Variants in PLCE1 observed in about 807,000 individuals in gnomAD.
The protein encoded by PLCE1 is phospholipase C epsilon 1.
Under a neutral mutation model 242.8 loss-of-function variants are expected in PLCE1, and 119 were observed. That is an observed-to-expected ratio of 0.49 (90% CI 0.42 to 0.57). The LOEUF (loss-of-function observed/expected upper bound fraction) is 0.57, where lower values mean the gene tolerates loss of function less well. Ranked by LOEUF, PLCE1 falls within the 20% of genes least tolerant of loss-of-function variation. PLCE1 has a pLI of 0.00. For synonymous variants in PLCE1, 945 were observed against 1,017.4 expected (o/e 0.93, Z 1.35); for missense variants, 2,441 against 2,788.8 (o/e 0.88, Z 2.81).
At chr10:94,311,455 T>C (rs77218185) in intron 27 of PLCE1, among the ~76,000 whole-genome samples, 23,639 of 152,250 alleles carry the variant, frequency 0.16, 2,051 homozygotes, top group Middle Eastern at 0.28. Context: ...TTTTTTGTTA[T>C]ATCACACCTT....
intron 2 of PLCE1, chr10:94,100,732 G>T (rs1026490915): frequency 3.3e-5 from 5 of 152,184 alleles, no homozygotes; most frequent in African/African-American, 4.8e-5. Context: ...TAACACTTTG[G>T]TGTGAGTTAA....
chr10:94,148,577 G>C (rs547571604), intron 3 of PLCE1, among the ~76,000 whole-genome samples: 10 of 152,094 alleles, frequency 6.6e-5, no homozygotes, highest in Non-Finnish European at 1.5e-4. Flanking sequence ...GATCATGCAC[G>C]GGCAAATAAA....
intron 26 of PLCE1, 115 bp from the exon 27 acceptor site, chr10:94,308,466 G>C (rs2053277943): frequency 1.3e-6 from 1 of 798,966 alleles, no homozygotes; most frequent in South Asian, 1.3e-5. Flanking sequence ...TTGCATGCCT[G>C]TTGCCATCCC....
chr10:94,306,751 C>T lies in PLCE1; in HGVS notation c.5884+63C>T, dbSNP rs2053219782. On this transcript the variant is annotated intron_variant, in intron 26 of 32. Coordinates refer to ENST00000371380, the MANE Select transcript of PLCE1 (RefSeq NM_016341.4). The surrounding 1 kb of genome is among the most constrained non-coding windows in gnomAD (Gnocchi z 5.7). ...GCTAGGTGATGGATGCCAGAATTTC[C>T]TTATACTCTTCTCTCTTTTCTGTTT... 6.6e-6 allele frequency: 8 copies of T among 1,218,556 alleles called. No individual in the cohort carries two copies. The South Asian group carries it at 1.0e-4, about 15-fold the overall frequency. The allele number at this position is 1,218,556 out of a possible 1,614,324, so 75.5% of individuals were successfully genotyped here. A position where few individuals can be genotyped will look rare whatever the true frequency, so the allele number is the denominator to read the frequency against.
At chr10:94,227,548 C>A in intron 5 of PLCE1, 97 bp downstream of exon 5, 1 of 1,136,202 alleles carries the variant, frequency 8.8e-7, no homozygotes, top group Non-Finnish European at 1.3e-6. Flanking sequence ...TTTACCCAAG[C>A]CAGGTAACTG....
Position 94,227,398 on chromosome 10 carries a change from C to A in PLCE1, c.1902C>A (p.Cys634Ter). ...VFSYLVHVAK[C>*]CWNMGNYNAV... ...CATATTTGGTGCATGTGGCCAAATG[C>A]TGCTGGAACATGGGCAACTACAACG... The change falls in exon 5 of 33, where the codon TGC becomes TGA. Residue 634 changes from cysteine (C) to a stop codon, truncating the protein, a stop_gained. Transcript: ENST00000371380. LOFTEE classifies it high-confidence loss of function. 6.2e-7 allele frequency: 1 copy of A among 1,613,866 alleles called. No individual in the cohort carries two copies. Among genetic ancestry groups the A allele is most frequent in the Non-Finnish European group, 8.5e-7 (1 of 1,179,804 alleles).
chr10:94,245,307 A>T (rs1396206714), intron 7 of PLCE1, among the ~76,000 whole-genome samples: 1 of 152,218 alleles, frequency 6.6e-6, no homozygotes, highest in African/African-American at 2.4e-5. Context: ...ATTTAGTACA[A>T]AAAATGTACA....
intron 3 of PLCE1, among the ~76,000 whole-genome samples, chr10:94,134,319 G>A (rs1004740751): frequency 9.2e-5 from 14 of 152,056 alleles, no homozygotes; most frequent in African/African-American, 3.1e-4. Flanking sequence ...GGCTGGTCTC[G>A]AACTCCTGAC....
chr10:94,319,448 T>C (rs993436213), intron 29 of PLCE1, among the ~76,000 whole-genome samples: 2 of 152,186 alleles, frequency 1.3e-5, no homozygotes, highest in Non-Finnish European at 2.9e-5. Flanking sequence ...AGTTTGCCCA[T>C]ATATGAAAAT....
At chr10:94,321,033 A>T (rs117879002) in intron 29 of PLCE1, among the ~76,000 whole-genome samples, 1 of 152,220 alleles carries the variant, frequency 6.6e-6, no homozygotes, top group Non-Finnish European at 1.5e-5. Context: ...CTGTAGATAC[A>T]TAATCCACCA....
At chr10:94,218,200 A>C (rs1267702907) in intron 4 of PLCE1, among the ~76,000 whole-genome samples, 1 of 152,180 alleles carries the variant, frequency 6.6e-6, no homozygotes, top group Non-Finnish European at 1.5e-5. Flanking sequence ...ATACAGTTAT[A>C]CTTAACACAT....
Position 94,330,279 on chromosome 10 carries a change from T to G in PLCE1, c.*2336T>G, listed in dbSNP as rs960572518. ...TAGCAAGTGAGAGAATCCAGCCTAC[T>G]GCCTAGGTTGCATCCCAATTTAGTT... On this transcript the variant is annotated 3_prime_UTR_variant, in exon 33 of 33. Transcript: ENST00000371380. 6.6e-6 allele frequency: 1 copy of G among 152,268 alleles called. No homozygotes were observed. The highest frequency in any genetic ancestry group is 1.5e-5 in the Non-Finnish European group (1 of 68,052). The allele number at this position is 152,268 out of a possible 1,614,324, so 9.4% of individuals were successfully genotyped here.
chr10:94,238,368 T>C (rs2050391783), intron 7 of PLCE1, among the ~76,000 whole-genome samples: 1 of 152,192 alleles, frequency 6.6e-6, no homozygotes. Flanking sequence ...TCTGTACAGA[T>C]GAAGTTGTGC....
At chr10:94,242,580 G>T (rs986177547) in intron 7 of PLCE1, among the ~76,000 whole-genome samples, 1 of 152,112 alleles carries the variant, frequency 6.6e-6, no homozygotes, top group Non-Finnish European at 1.5e-5. Flanking sequence ...CATAGTGCTG[G>T]GATTACAGAT....
intron 4 of PLCE1, among the ~76,000 whole-genome samples, chr10:94,213,950 C>T (rs969372994): frequency 3.9e-5 from 6 of 152,152 alleles, no homozygotes; most frequent in Non-Finnish European, 7.3e-5. Context: ...TCACCACACT[C>T]CTTATGATAC....
chr10:94,284,392 G>T (rs12783744), intron 21 of PLCE1, among the ~76,000 whole-genome samples: 22,498 of 152,092 alleles, frequency 0.15, 1,772 homozygotes, highest in Middle Eastern at 0.28. Flanking sequence ...GAAGATAAAC[G>T]GGCCAGATAG....
At chr10:94,322,645 C>T (rs374012186) in intron 30 of PLCE1, among the ~76,000 whole-genome samples, 1 of 152,062 alleles carries the variant, frequency 6.6e-6, no homozygotes, top group African/African-American at 2.4e-5. Context: ...ATTAGCTGGG[C>T]GTGGTGGCAG....
At chr10:94,302,158 G>A (rs1010581919) in intron 24 of PLCE1, among the ~76,000 whole-genome samples, 1 of 152,170 alleles carries the variant, frequency 6.6e-6, no homozygotes, top group Non-Finnish European at 1.5e-5. Flanking sequence ...CTAGATTTGA[G>A]GTCCGACCTT....
chr10:94,001,616 G>A (rs549666102), intron 1 of PLCE1, among the ~76,000 whole-genome samples: 40 of 152,286 alleles, frequency 2.6e-4, no homozygotes, highest in Admixed American at 7.2e-4. Context: ...AAAAGCCTGT[G>A]ACCAAGTACA....
Sources: allele counts gnomAD v4.1 joint callset (sites outside exome capture counted in the v4.1 genomes callset), GRCh38; gene constraint gnomAD v4.1.1; non-coding constraint Gnocchi (gnomAD v3.1); transcripts MANE v1.5; gene names NCBI Gene and HGNC (gene_info 2026-07-23, HGNC 2026-07-21).